GRSF1: variants seen among roughly 807,000 people sequenced by gnomAD.
GRSF1 encodes the protein G-rich RNA sequence binding factor 1, also known as G-rich sequence factor 1.
A neutral mutation model predicts 51.1 loss-of-function variants in GRSF1; 50 were observed. That is an observed-to-expected ratio of 0.98 (90% CI 0.78 to 1.24). The LOEUF is 1.24. Among genes scored for constraint, GRSF1 ranks in the 50% most tolerant of loss-of-function variants. The pLI is 0.00. For synonymous variants in GRSF1, 293 were observed against 253.3 expected, an observed-to-expected ratio of 1.16 and a Z score of -1.49; for missense variants, 700 against 639.7, an observed-to-expected ratio of 1.09 and a Z score of -1.02.
rs1053173930 is a variant in GRSF1 at position 70,820,035 on chromosome 4, G to C, written c.*852C>G. 2.6e-5 allele frequency: 4 copies of C among 152,332 alleles called. No individual in the cohort carries two copies. The highest frequency in any genetic ancestry group is 9.7e-5 in the African/African-American group (4 of 41,420). The allele number at this position is 152,332 out of a possible 1,614,324, so 9.4% of individuals were successfully genotyped here. ...GAGACTGATTTTTTTCCTATCTAGA[G>C]CTGGTTTAAATTCAAGTGAAGCCAT... is the stretch of plus-strand genomic sequence containing the variant. On this transcript the variant is annotated 3_prime_UTR_variant, in exon 10 of 10. Transcript: ENST00000254799.
chr4:70,833,319 T>G (rs1032262631), intron 2 of GRSF1, 46 bp from the exon 3 acceptor site: 5 of 1,539,658 alleles, frequency 3.2e-6, no homozygotes, highest in Non-Finnish European at 4.5e-6. Context: ...AATCAAACTT[T>G]TAGCTCAATT....
At position 70,839,861 on chromosome 4, in the gene GRSF1, C is replaced by G. The variant is rs764947828; in HGVS notation, c.-34G>C. On this transcript the variant is annotated 5_prime_UTR_variant, in exon 1 of 10. Coordinates refer to ENST00000254799, the MANE Select transcript of GRSF1 (RefSeq NM_002092.4). ...GAGGCGGCGCAGGGCCTGAAGGCAG[C>G]TGCTCCAGCAGCGATGGTGGAACGG... 3.4e-6 allele frequency: 5 copies of G among 1,452,148 alleles called. No individual in the cohort carries two copies. The allele number at this position is 1,452,148 out of a possible 1,614,324, so 90.0% of individuals were successfully genotyped here.
At chr4:70,837,432 C>A (rs890051840) in intron 1 of GRSF1, among the ~76,000 whole-genome samples, 1 of 151,480 alleles carries the variant, frequency 6.6e-6, no homozygotes, top group Non-Finnish European at 1.5e-5. Context: ...GGTGTGGTGG[C>A]GTGTGCCCGT....
At position 70,820,365 on chromosome 4, in the gene GRSF1, A is replaced by G. The variant is rs970106133; in HGVS notation, c.*522T>C. The G allele has an allele frequency of 1.3e-5, 2 of 152,602 alleles. No homozygotes were observed. Among genetic ancestry groups the G allele is most frequent in the African/African-American group, 4.8e-5 (2 of 41,450 alleles). The allele number at this position is 152,602 out of a possible 1,614,324, so 9.5% of individuals were successfully genotyped here. On this transcript the variant is annotated 3_prime_UTR_variant, in exon 10 of 10. Transcript: ENST00000254799. The stretch of plus-strand genomic sequence containing the variant: ...ATCTCTAAGTAATCAAATACAGCAA[A>G]ATTTAAAACTATTCTGCCAAACCAT...
intron 9 of GRSF1, among the ~76,000 whole-genome samples, chr4:70,821,624 CAATAG>C (rs1040379238): frequency 8.9e-5 from 13 of 145,426 alleles, no homozygotes; most frequent in African/African-American, 3.0e-4. Flanking sequence ...AAAAAAAAAG[CAATAG>C]AATAGGATAT....
Position 70,833,218 on chromosome 4 carries a change from C to T in GRSF1, c.570G>A (p.Gly190=), listed in dbSNP as rs11554686. 8.1e-6 allele frequency: 13 copies of T among 1,613,742 alleles called. No individual in the cohort carries two copies. Among genetic ancestry groups the T allele is most frequent in the Non-Finnish European group, 1.1e-5 (13 of 1,179,760 alleles). ...CAATTAAGGCATCACCCCTTCGTTTCCCATCTCTGTTTAGGAGAAAATGTA... is the reference window on the plus strand; with the variant it reads ...CAATTAAGGCATCACCCCTTCGTTTTCCATCTCTGTTTAGGAGAAAATGTA... ...NGIHFLLNRD[G]KRRGDALIEM... The change falls in exon 3 of 10, where the codon GGG becomes GGA. Residue 190 remains glycine (G), a synonymous_variant. Coordinates refer to ENST00000254799, the MANE Select transcript of GRSF1 (RefSeq NM_002092.4).
chr4:70,829,330 C>T (rs1372792946), intron 5 of GRSF1, among the ~76,000 whole-genome samples: 1 of 140,618 alleles, frequency 7.1e-6, no homozygotes, highest in Non-Finnish European at 1.5e-5. Context: ...GAGACACCAT[C>T]TCTACAAAAG....
intron 9 of GRSF1, among the ~76,000 whole-genome samples, chr4:70,821,306 T>C (rs1214393576): frequency 6.6e-6 from 1 of 152,100 alleles, no homozygotes; most frequent in South Asian, 2.1e-4. Context: ...ATGCCTGTAA[T>C]CCCAGCTACT....
chr4:70,837,881 C>T (rs1211624790), intron 1 of GRSF1, among the ~76,000 whole-genome samples: 2 of 151,518 alleles, frequency 1.3e-5, no homozygotes, highest in Non-Finnish European at 2.9e-5. Flanking sequence ...CTCAGGTGAT[C>T]CACCCGCCGC....
chr4:70,828,530 T>C (rs1231162945), intron 5 of GRSF1, among the ~76,000 whole-genome samples: 1 of 64,504 alleles, frequency 1.6e-5, no homozygotes, highest in Non-Finnish European at 3.9e-5. Context: ...TATGACTTGC[T>C]ATCACAGGAG....
At chr4:70,842,792 GACAGA>G (rs1383528627), upstream of GRSF1, among the ~76,000 whole-genome samples, 4 of 152,092 alleles carry the variant, frequency 2.6e-5, no homozygotes, top group Non-Finnish European at 5.9e-5. Flanking sequence ...AACCTAAATA[GACAGA>G]AATCCTGTAC....
chr4:70,832,930 AGAGT>A (rs1297925346), intron 3 of GRSF1, among the ~76,000 whole-genome samples, 184 bp downstream of exon 3: 1 of 152,258 alleles, frequency 6.6e-6, no homozygotes, highest in African/African-American at 2.4e-5. Flanking sequence ...CCTGGGTGAC[AGAGT>A]GAGATTCCAT....
intron 6 of GRSF1, among the ~76,000 whole-genome samples, chr4:70,827,071 T>C (rs1451297634): frequency 6.6e-6 from 1 of 152,042 alleles, no homozygotes; most frequent in African/African-American, 2.4e-5. Context: ...GCAGATCACC[T>C]GAGGTCAGTA....
rs751138452 is a variant in GRSF1, at chr4:70,836,218, T to A, written c.454A>T (p.Ile152Phe). The change falls in exon 2 of 10, where the codon ATT (isoleucine) becomes TTT (phenylalanine). Residue 152 changes from isoleucine (I) to phenylalanine (F), a missense_variant. Transcript: ENST00000254799. Reference sequence around the variant, plus strand: ...GACCAGGGCAGTCCTTGAGCTCGAATGAGAAAGACATCATCCACTTCCTCT... The same window carrying A: ...GACCAGGGCAGTCCTTGAGCTCGAAAGAGAAAGACATCATCCACTTCCTCT... The part of the protein sequence containing the change: ...LEEEVDDVFL[I>F]RAQGLPWSCT... 2.5e-6 allele frequency: 4 copies of A among 1,609,946 alleles called. No homozygotes were observed. Among genetic ancestry groups the A allele is most frequent in the Non-Finnish European group, 3.4e-6 (4 of 1,178,296 alleles).
chr4:70,839,044 C>G, intron 1 of GRSF1: 1 of 991,336 alleles, frequency 1.0e-6, no homozygotes, highest in Non-Finnish European at 1.3e-6. Context: ...CGCCGAGGGC[C>G]GCCCAGGCCT....
intron 1 of GRSF1, chr4:70,839,027 C>G (rs1734343638): frequency 2.6e-6 from 2 of 769,646 alleles, no homozygotes; most frequent in African/African-American, 1.8e-5. Flanking sequence ...AGCGGCCGAC[C>G]GAGAGGCGCC....
intron 9 of GRSF1, among the ~76,000 whole-genome samples, chr4:70,823,976 C>T (rs12504334): frequency 0.98 from 128,730 of 131,320 alleles, 63,113 homozygotes; most frequent in Non-Finnish European, 1. Context: ...GTATCTCTCT[C>T]TTTTTTTTTT....
At chr4:70,828,127 C>T (rs942139057) in intron 5 of GRSF1, 91 bp from the exon 6 acceptor site, 1 of 896,114 alleles carries the variant, frequency 1.1e-6, no homozygotes. Context: ...ATTATATTTC[C>T]AACAGCTTAT....
chr4:70,839,308 G>C, intron 1 of GRSF1, 163 bp downstream of exon 1: 1 of 1,501,584 alleles, frequency 6.7e-7, no homozygotes, highest in Non-Finnish European at 8.9e-7. Flanking sequence ...CCTTGTTCCA[G>C]GGCCCAATAG....
Sources: gnomAD v4.1 joint callset for allele counts (sites outside exome capture counted in the v4.1 genomes callset) on GRCh38, gnomAD v4.1.1 for gene constraint, MANE v1.5 for transcripts, NCBI Gene and HGNC (gene_info 2026-07-23, HGNC 2026-07-21) for gene names.